ATL2: variants seen among roughly 807,000 people sequenced by gnomAD.
The protein encoded by ATL2 is atlastin GTPase 2.
ATL2 carries 31 observed loss-of-function variants against 73.9 expected under a neutral mutation model. The observed-to-expected ratio is 0.42, with a 90% CI of 0.32 to 0.57. The LOEUF is 0.57. Among genes scored for constraint, ATL2 ranks in the 20% least tolerant of loss-of-function variants. The probability of loss-of-function intolerance (pLI) is 0.14; values close to 1 mark genes in which losing one functional copy is unlikely to be tolerated. For synonymous variants in ATL2, 291 were observed against 237.5 expected (o/e 1.23, Z -2.07); for missense variants, 738 against 702.6 (o/e 1.05, Z -0.57).
intron 6 of ATL2, among the ~76,000 whole-genome samples, chr2:38,314,187 T>C (rs776424707): frequency 2.0e-5 from 3 of 152,082 alleles, no homozygotes; most frequent in Non-Finnish European, 4.4e-5. Context: ...AAAAATAAAC[T>C]ATCTGGAACT....
chr2:38,297,888 C>T (rs1666978969), intron 12 of ATL2: 2 of 309,964 alleles, frequency 6.5e-6, no homozygotes, highest in Non-Finnish European at 5.9e-6. Flanking sequence ...ACCCTGCCCA[C>T]CGTCTGATAC....
At chr2:38,313,052 C>A (rs551926038) in intron 7 of ATL2, 99 bp downstream of exon 7, 4 of 751,954 alleles carry the variant, frequency 5.3e-6, no homozygotes, top group East Asian at 2.8e-5. Context: ...TTTATTCCAA[C>A]GACACGTAAA....
At chr2:38,342,766 G>C (rs1367795185) in intron 2 of ATL2, among the ~76,000 whole-genome samples, 1 of 152,064 alleles carries the variant, frequency 6.6e-6, no homozygotes, top group Admixed American at 6.6e-5. Flanking sequence ...AGACAACTTG[G>C]GTTAGAGCCA....
rs769082125 is a variant in ATL2 at position 38,377,206 on chromosome 2, G to C, written c.55C>G (p.Arg19Gly). The C allele has an allele frequency of 1.1e-5, 17 of 1,609,342 alleles. No homozygotes were observed. Among genetic ancestry groups the C allele is most frequent in the Non-Finnish European group, 1.4e-5 (17 of 1,178,708 alleles). The change falls in exon 1 of 13, where the codon CGC becomes GGC. Residue 19 changes from arginine to glycine, a missense_variant. Transcript: ENST00000378954. ...RGQQPHQGLW[R>G]RRRTSDPSAA... ...CTTGGGTCGCTGGTCCGTCGCCGGC[G>C]CCACAGCCCCTGGTGCGGTTGCTGC...
At chr2:38,346,670 G>A (rs1220777645) in intron 1 of ATL2, among the ~76,000 whole-genome samples, 1 of 152,262 alleles carries the variant, frequency 6.6e-6, no homozygotes, top group Non-Finnish European at 1.5e-5. Context: ...TAAGGTTCGC[G>A]CTCCTATGAG....
intron 1 of ATL2, among the ~76,000 whole-genome samples, chr2:38,355,384 G>A (rs1670598462): frequency 6.6e-6 from 1 of 152,172 alleles, no homozygotes; most frequent in Non-Finnish European, 1.5e-5. Context: ...CCAAAGTGCT[G>A]GGATTACAGG....
chr2:38,310,664 T>C (rs1667709683), intron 7 of ATL2, among the ~76,000 whole-genome samples: 1 of 148,454 alleles, frequency 6.7e-6, no homozygotes, highest in South Asian at 2.1e-4. Context: ...AAAGACAGAG[T>C]TTCGCTCTTG....
intron 2 of ATL2, among the ~76,000 whole-genome samples, chr2:38,334,362 A>G (rs77008019): frequency 1.3e-5 from 2 of 151,896 alleles, no homozygotes; most frequent in Non-Finnish European, 2.9e-5. Context: ...GGTAATAATA[A>G]TAAGCAGCAG....
chr2:38,303,928 CA>C (rs1314217941), intron 9 of ATL2, among the ~76,000 whole-genome samples: 4 of 152,074 alleles, frequency 2.6e-5, no homozygotes, highest in African/African-American at 9.7e-5. Flanking sequence ...CCCTGGAGTT[CA>C]AGACCAGCCT....
intron 1 of ATL2, among the ~76,000 whole-genome samples, chr2:38,363,697 A>G (rs1253084125): frequency 2.0e-5 from 3 of 152,236 alleles, no homozygotes; most frequent in Non-Finnish European, 4.4e-5. Flanking sequence ...ATCTGTCATG[A>G]ATTACGAGGA....
At position 38,377,255 on chromosome 2, in the gene ATL2, C is replaced by G; in HGVS notation, c.6G>C (p.Ala2=). Residue 2 remains alanine, a synonymous_variant, in exon 1 of 13, where the codon GCG becomes GCC. Coordinates refer to ENST00000378954, the MANE Select transcript of ATL2 (RefSeq NM_001135673.4). The part of the protein sequence containing the change: M[A]EGDEAARGQQ... The stretch of plus-strand genomic sequence containing the variant: ...GCCCTCGCGCTGCCTCGTCCCCCTC[C>G]GCCATCTTGTACCGATTTAAAATTA... 1 of 1,583,924 alleles carries G rather than the reference C, an allele frequency of 6.3e-7. No homozygotes were observed. Among genetic ancestry groups the G allele is most frequent in the Non-Finnish European group, 8.6e-7 (1 of 1,165,580 alleles).
At chr2:38,368,414 G>A (rs980622170) in intron 1 of ATL2, among the ~76,000 whole-genome samples, 15 of 151,914 alleles carry the variant, frequency 9.9e-5, no homozygotes, top group Non-Finnish European at 1.9e-4. Flanking sequence ...CACCACGCCC[G>A]GCTAATTTTG....
At chr2:38,348,229 G>C (rs966110793) in intron 1 of ATL2, among the ~76,000 whole-genome samples, 1 of 152,096 alleles carries the variant, frequency 6.6e-6, no homozygotes, top group African/African-American at 2.4e-5. Context: ...CAATTTGGGA[G>C]GCTGAGGAGG....
At chr2:38,327,635 A>T (rs1252080268) in intron 2 of ATL2, among the ~76,000 whole-genome samples, 2 of 152,012 alleles carry the variant, frequency 1.3e-5, no homozygotes, top group Non-Finnish European at 2.9e-5. Context: ...TGACCTAAAT[A>T]CACCAATTAA....
At chr2:38,310,861 A>T (rs181708007) in intron 7 of ATL2, among the ~76,000 whole-genome samples, 111 of 152,028 alleles carry the variant, frequency 7.3e-4, no homozygotes, top group African/African-American at 2.6e-3. Flanking sequence ...TTCCAACCTC[A>T]GGTAATCCAC....
chr2:38,364,032 G>C lies in ATL2; in HGVS notation c.118+13111C>G, dbSNP rs1349076341. ...TAATCCCAGCACTTTGGGAGGCCAA[G>C]GCAGGCAGATCATGAGGTCAGGAGT... On this transcript the variant is annotated intron_variant, in intron 1 of 12. Coordinates refer to ENST00000378954, the MANE Select transcript of ATL2 (RefSeq NM_001135673.4). 2.6e-5 allele frequency among the ~76,000 whole-genome samples: 4 copies of C among 152,304 alleles called. No individual in the cohort carries two copies. In the South Asian group the frequency reaches 8.3e-4, roughly 32 times the overall value.
Position 38,377,136 on chromosome 2 carries a change from C to G in ATL2, c.118+7G>C. Reference sequence around the variant, plus strand: ...GGCCCCGCGGCCTCTGCCTCGCTGGCCCGTACCTAGGGAGGTCGTGGACGA... The same window carrying G: ...GGCCCCGCGGCCTCTGCCTCGCTGGGCCGTACCTAGGGAGGTCGTGGACGA... On this transcript the variant is annotated splice_region_variant and intron_variant, in intron 1 of 12. Coordinates refer to ENST00000378954, the MANE Select transcript of ATL2 (RefSeq NM_001135673.4). The G allele has an allele frequency of 6.2e-7, 1 of 1,609,468 alleles. No individual in the cohort carries two copies. The highest frequency in any genetic ancestry group is 8.5e-7 in the Non-Finnish European group (1 of 1,178,870).
chr2:38,310,208 T>C, intron 8 of ATL2, 101 bp downstream of exon 8: 2 of 1,319,414 alleles, frequency 1.5e-6, no homozygotes, highest in Non-Finnish European at 2.1e-6. Context: ...CCAAACATTC[T>C]CCAGTATAAG....
intron 12 of ATL2, chr2:38,297,789 C>T (rs1666974200): frequency 6.0e-6 from 1 of 166,398 alleles, no homozygotes; most frequent in Admixed American, 6.1e-5. Context: ...TTTCCGAAAG[C>T]ACCACTTCCA....
Sources: gnomAD v4.1 joint callset for allele counts (sites outside exome capture counted in the v4.1 genomes callset) on GRCh38, gnomAD v4.1.1 for gene constraint, MANE v1.5 for transcripts, NCBI Gene and HGNC (gene_info 2026-07-23, HGNC 2026-07-21) for gene names.